Variants in CCDC171 observed in about 807,000 individuals in gnomAD.
The protein encoded by CCDC171 is coiled-coil domain-containing protein 171.
CCDC171 carries 177 observed loss-of-function variants against 168.2 expected under a neutral mutation model. The ratio of observed to expected loss-of-function variants is 1.05; its 90% CI spans 0.93 to 1.19. The LOEUF (loss-of-function observed/expected upper bound fraction) is 1.19. Among genes scored for constraint, CCDC171 ranks in the 50% most tolerant of loss-of-function variants. The probability of loss-of-function intolerance (pLI) is 0.00; values close to 1 mark genes in which losing one functional copy is unlikely to be tolerated. For synonymous variants in CCDC171, 687 were observed against 540.8 expected, an observed-to-expected ratio of 1.27 and a Z score of -3.75; for missense variants, 1,991 against 1,539.0, an observed-to-expected ratio of 1.29 and a Z score of -4.91.
the CCDC171 span, among the ~76,000 whole-genome samples, chr9:16,070,479 C>A: frequency 6.6e-6 from 1 of 152,152 alleles, no homozygotes; most frequent in African/African-American, 2.4e-5. Flanking sequence ...CTTTTTATTG[C>A]TGGTTGGGCC....
At chr9:15,801,504 A>G (rs1199420214) in intron 21 of CCDC171, among the ~76,000 whole-genome samples, 1 of 152,034 alleles carries the variant, frequency 6.6e-6, no homozygotes, top group African/African-American at 2.4e-5. Context: ...ATCAGTTCTA[A>G]TAGTTTTTTG....
chr9:15,699,274 CGTG>C (rs1172671808), intron 11 of CCDC171, among the ~76,000 whole-genome samples: 1 of 151,954 alleles, frequency 6.6e-6, no homozygotes, highest in African/African-American at 2.4e-5. Context: ...CCGGTGGGCT[CGTG>C]GGCTCGCTGG....
intron 18 of CCDC171, among the ~76,000 whole-genome samples, chr9:15,752,019 G>A (rs976682206): frequency 6.6e-6 from 1 of 152,112 alleles, no homozygotes; most frequent in African/African-American, 2.4e-5. Context: ...ATCTGACAAA[G>A]GGCTAATATC....
Position 15,829,948 on chromosome 9 carries a change from T to C in CCDC171, c.3268-16754T>C, listed in dbSNP as rs142680437. Among the ~76,000 whole-genome samples, 403 of 152,242 alleles carry C rather than the reference T, an allele frequency of 2.6e-3. 2 individuals are homozygous for C. The highest frequency in any genetic ancestry group is 9.0e-3 in the African/African-American group (376 of 41,550). Reference sequence around the variant, plus strand: ...AAATGTGCAATAATGGTAGCAAATATGGCATTTGCTATAATTATGGCATAA... The same window carrying C: ...AAATGTGCAATAATGGTAGCAAATACGGCATTTGCTATAATTATGGCATAA... On this transcript the variant is annotated intron_variant, in intron 21 of 25. Coordinates refer to ENST00000380701, the MANE Select transcript of CCDC171 (RefSeq NM_173550.4).
At chr9:16,076,995 C>T in the CCDC171 span, among the ~76,000 whole-genome samples, 1 of 152,150 alleles carries the variant, frequency 6.6e-6, no homozygotes, top group Non-Finnish European at 1.5e-5. Context: ...TCTTTTTTCC[C>T]CTTTCCTCTT....
At chr9:15,622,506 C>A (rs999978513) in intron 6 of CCDC171, among the ~76,000 whole-genome samples, 1 of 152,070 alleles carries the variant, frequency 6.6e-6, no homozygotes, top group East Asian at 1.9e-4. Context: ...TGTGTTTGTC[C>A]ATGAATAACA....
intron 21 of CCDC171, among the ~76,000 whole-genome samples, chr9:15,796,183 A>G (rs890882558): frequency 2.6e-5 from 4 of 152,216 alleles, no homozygotes; most frequent in Admixed American, 6.5e-5. Flanking sequence ...GTAAGTTAAG[A>G]CATGAAAATA....
At chr9:15,920,706 G>A (rs548832202) in intron 25 of CCDC171, among the ~76,000 whole-genome samples, 4 of 151,842 alleles carry the variant, frequency 2.6e-5, no homozygotes, top group Non-Finnish European at 5.9e-5. Flanking sequence ...GAATTTGGCA[G>A]TATGCATAGT....
At chr9:15,641,429 T>G (rs567950230) in intron 7 of CCDC171, among the ~76,000 whole-genome samples, 3 of 152,314 alleles carry the variant, frequency 2.0e-5, no homozygotes, top group African/African-American at 7.2e-5. Context: ...ACTGTTTTGT[T>G]TACTCAATCT....
chr9:15,681,927 A>G (rs2050066573), intron 10 of CCDC171, among the ~76,000 whole-genome samples: 1 of 152,096 alleles, frequency 6.6e-6, no homozygotes, highest in African/African-American at 2.4e-5. Context: ...CTTTTCCACA[A>G]TTATATTTCT....
intron 3 of CCDC171, among the ~76,000 whole-genome samples, chr9:16,002,262 C>A (rs557724229): frequency 6.7e-6 from 1 of 149,012 alleles, no homozygotes; most frequent in Admixed American, 6.8e-5. Flanking sequence ...ACATTGTTAT[C>A]ATAGGAGATG....
intron 8 of CCDC171, among the ~76,000 whole-genome samples, chr9:15,665,676 G>A (rs985396406): frequency 3.3e-5 from 5 of 152,196 alleles, no homozygotes; most frequent in African/African-American, 1.2e-4. Context: ...AGCTACTTGA[G>A]AAGCTGAGGT....
At chr9:15,785,847 T>C (rs2057923031) in intron 21 of CCDC171, among the ~76,000 whole-genome samples, 1 of 152,148 alleles carries the variant, frequency 6.6e-6, no homozygotes, top group Non-Finnish European at 1.5e-5. Context: ...ATTACTCATT[T>C]TAAACTACCT....
Position 15,691,629 on chromosome 9 carries a change from C to A in CCDC171, c.1216-3606C>A, listed in dbSNP as rs190454491. Among the ~76,000 whole-genome samples the A allele has an allele frequency of 1.3e-4, 19 of 142,216 alleles. No homozygotes were observed. The East Asian group carries it at 3.7e-3, about 28-fold the overall frequency. 93.3% of individuals were successfully genotyped at this position (142,216 alleles called of 152,430 possible). On this transcript the variant is annotated intron_variant, in intron 10 of 25. Coordinates refer to ENST00000380701, the MANE Select transcript of CCDC171 (RefSeq NM_173550.4). The stretch of plus-strand genomic sequence containing the variant: ...TGTTTTTTAAGGTAGACTTTGATTG[C>A]CATTAGCAAGAATATATTTTATTTA...
chr9:15,629,432 T>G (rs1425251311), intron 7 of CCDC171, among the ~76,000 whole-genome samples: 2 of 152,078 alleles, frequency 1.3e-5, no homozygotes, highest in Admixed American at 6.5e-5. Context: ...TATCAGTGAT[T>G]GAAGATCAAA....
At chr9:15,695,142 T>A in intron 10 of CCDC171, 93 bp from the exon 11 acceptor site, 1 of 762,540 alleles carries the variant, frequency 1.3e-6, no homozygotes, top group Non-Finnish European at 2.3e-6. Context: ...GGAATCATTA[T>A]CTTGTTTATA....
intron 9 of CCDC171, among the ~76,000 whole-genome samples, chr9:15,677,923 T>TAA (rs1376514485): frequency 8.0e-5 from 3 of 37,616 alleles, no homozygotes; most frequent in African/African-American, 2.4e-4. Context: ...TATATATATA[T>TAA]ATAAGAGATG....
At chr9:16,108,134 T>C in the CCDC171 span, among the ~76,000 whole-genome samples, 110 of 152,180 alleles carry the variant, frequency 7.2e-4, no homozygotes, top group Non-Finnish European at 7.5e-4. Context: ...TTTTGGAAAT[T>C]GCTTCAGAAT....
intron 16 of CCDC171, among the ~76,000 whole-genome samples, chr9:15,739,740 ATTTTTT>A (rs3082820): frequency 8.5e-4 from 124 of 146,226 alleles, no homozygotes; most frequent in Non-Finnish European, 1.6e-3. Context: ...TGTAATACCA[ATTTTTT>A]TTTTTTTTTG....
Sources: gnomAD v4.1 joint callset for allele counts (sites outside exome capture counted in the v4.1 genomes callset) on GRCh38, gnomAD v4.1.1 for gene constraint, MANE v1.5 for transcripts, NCBI Gene and HGNC (gene_info 2026-07-23, HGNC 2026-07-21) for gene names.